RNF111: variants seen among roughly 807,000 people sequenced by gnomAD.
The protein encoded by RNF111 is E3 ubiquitin-protein ligase Arkadia.
RNF111 carries 17 observed loss-of-function variants against 95.1 expected under a neutral mutation model. That is an observed-to-expected ratio of 0.18 (90% CI 0.12 to 0.27). The LOEUF (loss-of-function observed/expected upper bound fraction) is 0.27, where lower values mean the gene tolerates loss of function less well. RNF111 is among the 10% of genes least tolerant of loss of function. The probability of loss-of-function intolerance (pLI) is 1.00; values close to 1 mark genes in which losing one functional copy is unlikely to be tolerated. For synonymous variants in RNF111, 440 were observed against 414.8 expected, an observed-to-expected ratio of 1.06 and a Z score of -0.74; for missense variants, 1,189 against 1,210.4, an observed-to-expected ratio of 0.98 and a Z score of 0.26.
intron 12 of RNF111, among the ~76,000 whole-genome samples, chr15:59,092,203 TA>T (rs1373108598): frequency 3.9e-5 from 6 of 152,260 alleles, no homozygotes; most frequent in South Asian, 4.1e-4. Flanking sequence ...CATTCACTAA[TA>T]AAAAAAACTT....
intron 1 of RNF111, among the ~76,000 whole-genome samples, chr15:59,013,482 C>T (rs1474737545): frequency 2.0e-5 from 3 of 152,080 alleles, no homozygotes; most frequent in Non-Finnish European, 4.4e-5. Context: ...GAATGTTTTT[C>T]TCATAGTTTG....
chr15:58,997,932 T>A (rs189756976), intron 1 of RNF111, among the ~76,000 whole-genome samples: 1 of 152,016 alleles, frequency 6.6e-6, no homozygotes, highest in East Asian at 1.9e-4. Flanking sequence ...TGAAGCTGAG[T>A]CTCACTCCGT....
intron 1 of RNF111, among the ~76,000 whole-genome samples, chr15:59,014,169 G>C (rs547177227): frequency 6.6e-6 from 1 of 152,178 alleles, no homozygotes; most frequent in African/African-American, 2.4e-5. Context: ...TGGCCTTTGG[G>C]AGCTCTTTCA....
intron 1 of RNF111, among the ~76,000 whole-genome samples, chr15:59,021,126 G>A (rs2040319711): frequency 6.6e-6 from 1 of 151,906 alleles, no homozygotes; most frequent in South Asian, 2.1e-4. Flanking sequence ...TGTCCTCATA[G>A]GTTAGATCCC....
intron 2 of RNF111, among the ~76,000 whole-genome samples, chr15:59,046,183 CTT>C (rs34047420): frequency 2.8e-4 from 40 of 142,926 alleles, no homozygotes; most frequent in Admixed American, 4.9e-4. Context: ...CTATTTGCTG[CTT>C]TTTTTTTTTT....
chr15:59,011,448 A>G (rs1176014252), intron 1 of RNF111, among the ~76,000 whole-genome samples: 3 of 152,164 alleles, frequency 2.0e-5, no homozygotes, highest in African/African-American at 4.8e-5. Context: ...TTTATTCCAC[A>G]GTGTATTAGT....
chr15:59,055,911 G>T, intron 4 of RNF111, 66 bp downstream of exon 4: 1 of 1,293,506 alleles, frequency 7.7e-7, no homozygotes, highest in African/African-American at 1.5e-5. Context: ...CTCTTAATAT[G>T]CTAGAAACTC....
At chr15:59,043,845 T>C (rs1231841393) in intron 2 of RNF111, among the ~76,000 whole-genome samples, 1 of 152,196 alleles carries the variant, frequency 6.6e-6, no homozygotes, top group Non-Finnish European at 1.5e-5. Flanking sequence ...TTAGTAGGTA[T>C]GGTACCATGG....
intron 1 of RNF111, among the ~76,000 whole-genome samples, chr15:59,009,522 T>C (rs540542003): frequency 1.1e-4 from 16 of 151,118 alleles, no homozygotes; most frequent in African/African-American, 3.6e-4. Flanking sequence ...GTCTTTAGAA[T>C]TTGATAATTT....
intron 2 of RNF111, among the ~76,000 whole-genome samples, chr15:59,032,631 G>C (rs185278199): frequency 6.6e-5 from 10 of 152,196 alleles, no homozygotes; most frequent in Non-Finnish European, 1.0e-4. Context: ...AAGTTGCCCA[G>C]GTTGGTCTTG....
intron 9 of RNF111, among the ~76,000 whole-genome samples, chr15:59,084,667 A>G (rs939800569): frequency 1.1e-4 from 16 of 152,096 alleles, no homozygotes; most frequent in Non-Finnish European, 1.9e-4. Context: ...ACGGTACGTT[A>G]TTCTTCACTG....
chr15:59,065,102 G>A (rs538340489), intron 5 of RNF111, among the ~76,000 whole-genome samples: 1 of 152,170 alleles, frequency 6.6e-6, no homozygotes, highest in African/African-American at 2.4e-5. Context: ...CTTGGGTACT[G>A]TAAAATCAAG....
chr15:58,995,705 C>G (rs1198986605), intron 1 of RNF111, among the ~76,000 whole-genome samples: 1 of 150,780 alleles, frequency 6.6e-6, no homozygotes, highest in East Asian at 1.9e-4. Context: ...ACCTCGTGAT[C>G]CACCTGCCTC....
At chr15:59,057,295 A>T (rs1210462030) in intron 4 of RNF111, among the ~76,000 whole-genome samples, 5 of 152,180 alleles carry the variant, frequency 3.3e-5, no homozygotes, top group Non-Finnish European at 2.9e-5. Flanking sequence ...TAAACTATTT[A>T]CAAATAAACA....
intron 12 of RNF111, 148 bp from the exon 13 acceptor site, chr15:59,092,389 A>C (rs757835033): frequency 1.5e-6 from 1 of 661,520 alleles, no homozygotes; most frequent in Non-Finnish European, 2.3e-6. Context: ...TAATTCATCC[A>C]TTTATTTATG....
intron 2 of RNF111, among the ~76,000 whole-genome samples, chr15:59,050,777 G>C (rs2041942757): frequency 6.6e-6 from 1 of 152,062 alleles, no homozygotes; most frequent in African/African-American, 2.4e-5. Context: ...TTTTTGGTTA[G>C]AGCACTTAAT....
rs71425836 is a variant in RNF111, at chr15:59,012,003, C to CTTTTTTTTTTTTT, written c.-19-18784_-19-18772dup. Among the ~76,000 whole-genome samples, 105 of 40,450 alleles carry CTTTTTTTTTTTTT rather than the reference C, an allele frequency of 2.6e-3. 26 individuals are homozygous for CTTTTTTTTTTTTT. Among genetic ancestry groups the CTTTTTTTTTTTTT allele is most frequent in the East Asian group, 7.1e-3 (7 of 990 alleles). The allele number at this position is 40,450 out of a possible 152,430, so 26.5% of individuals were successfully genotyped here. On this transcript the variant is annotated intron_variant, in intron 1 of 13. Transcript: ENST00000348370. ...TTAGTGTTCTTTTTTGTTTGTTTGC[C>CTTTTTTTTTTTTT]TTTTTTTTTTTTTTTTTTTTTTTTT... is the stretch of plus-strand genomic sequence containing the variant.
At chr15:59,025,375 A>G (rs1012766874) in intron 1 of RNF111, among the ~76,000 whole-genome samples, 4 of 152,230 alleles carry the variant, frequency 2.6e-5, no homozygotes, top group African/African-American at 9.6e-5. Context: ...TTGAGGGTCC[A>G]TAGTGATACT....
chr15:59,031,020 C>G lies in RNF111; in HGVS notation c.198C>G (p.His66Gln), dbSNP rs376128947. 8.7e-6 allele frequency: 14 copies of G among 1,614,060 alleles called. No homozygotes were observed. The African/African-American group carries it at 1.6e-4, about 18-fold the overall frequency. ...GTAAAGTGGGGAATGAATTCTCTCACCTGTGTGATGATTCTCAAAAGCAAG... is the reference window on the plus strand; with the variant it reads ...GTAAAGTGGGGAATGAATTCTCTCAGCTGTGTGATGATTCTCAAAAGCAAG... ...INSKVGNEFS[H>Q]LCDDSQKQEK... The change falls in exon 2 of 14, where the codon CAC becomes CAG. Residue 66 changes from histidine (H) to glutamine (Q), a missense_variant. His to Gln is a conservative substitution (Grantham distance 24). Transcript: ENST00000348370.
Sources: gnomAD v4.1 joint callset for allele counts (sites outside exome capture counted in the v4.1 genomes callset) on GRCh38, gnomAD v4.1.1 for gene constraint, MANE v1.5 for transcripts, NCBI Gene and HGNC (gene_info 2026-07-23, HGNC 2026-07-21) for gene names.